The following PMP22 variants were observed in gnomAD, a reference collection of about 807,000 sequenced individuals.
PMP22 encodes the protein Charcot-Marie-Tooth neuropathy 1A (greatly reduced nerve conduction velocity, hereditary motor sensory neuropathy Ia).
A neutral mutation model predicts 18.9 loss-of-function variants in PMP22; 2 were observed. The observed-to-expected ratio is 0.11, with a 90% CI of 0.04 to 0.33. The LOEUF (loss-of-function observed/expected upper bound fraction) is 0.33. Among genes scored for constraint, PMP22 ranks in the 10% least tolerant of loss-of-function variants. PMP22 has a pLI of 1.00. For missense variants in PMP22, 169 were observed against 202.2 expected (o/e 0.84, Z 1.00); for synonymous variants, 95 against 89.2 (o/e 1.07, Z -0.37).
intron 3 of PMP22, among the ~76,000 whole-genome samples, chr17:15,250,960 G>A (rs1908290523): frequency 6.6e-6 from 1 of 152,104 alleles, no homozygotes; most frequent in South Asian, 2.1e-4. Context: ...CAGCCAGAAT[G>A]AGCTTACAAA....
intron 1 of PMP22, 76 bp from the exon 2 acceptor site, chr17:15,260,837 G>A: frequency 1.9e-6 from 2 of 1,025,760 alleles, no homozygotes; most frequent in South Asian, 1.4e-5. Flanking sequence ...GGAGGGTCCC[G>A]CGCACTAGCG....
intron 3 of PMP22, among the ~76,000 whole-genome samples, chr17:15,240,490 C>T (rs756686710): frequency 2.7e-5 from 4 of 148,292 alleles, no homozygotes; most frequent in Non-Finnish European, 5.9e-5. Context: ...AACCACCAGA[C>T]GGGATGAAGG....
At chr17:15,248,197 T>C (rs1170500483) in intron 3 of PMP22, among the ~76,000 whole-genome samples, 1 of 152,198 alleles carries the variant, frequency 6.6e-6, no homozygotes, top group Non-Finnish European at 1.5e-5. Context: ...AGGCTAACTT[T>C]GCCTATGATT....
chr17:15,263,583 G>GCA (rs3028206), intron 1 of PMP22, among the ~76,000 whole-genome samples: 4,733 of 149,820 alleles, frequency 0.032, 122 homozygotes, highest in African/African-American at 0.066. Flanking sequence ...GCACGCGCGC[G>GCA]CACACACACA....
chr17:15,259,311 C>A, intron 2 of PMP22, 118 bp from the exon 3 acceptor site: 1 of 788,430 alleles, frequency 1.3e-6, no homozygotes, highest in South Asian at 1.4e-5. Flanking sequence ...CCACACCGCC[C>A]ACCCCTGCAT....
chr17:15,239,282 C>A, intron 4 of PMP22, 189 bp downstream of exon 4: 1 of 675,746 alleles, frequency 1.5e-6, no homozygotes. Flanking sequence ...AGTTCTAAGT[C>A]CCAAGTTCTA....
At chr17:15,259,267 C>A in intron 2 of PMP22, 74 bp from the exon 3 acceptor site, 1 of 1,244,008 alleles carries the variant, frequency 8.0e-7, no homozygotes, top group Non-Finnish European at 1.2e-6. Flanking sequence ...GGAGAAAGGC[C>A]CAGGGATGGC....
At position 15,258,162 on chromosome 17, in the gene PMP22, T is replaced by G. The variant is rs76493911; in HGVS notation, c.178+932A>C. Among the ~76,000 whole-genome samples, 1,273 of 152,298 alleles carry G rather than the reference T, an allele frequency of 8.4e-3. 92 individuals carry two copies. In the East Asian group the frequency reaches 0.16, roughly 19 times the overall value. On this transcript the variant is annotated intron_variant, in intron 3 of 4. Transcript: ENST00000312280. The surrounding 1 kb of genome is among the most constrained non-coding windows in gnomAD (Gnocchi z 4.1). The stretch of plus-strand genomic sequence containing the variant: ...TTAAAGCTGTATTTCCGTGGCCTTT[T>G]AAACCCAGGATGTTAGGAAAGCTCT...
chr17:15,237,027 T>C (rs1906874381), intron 4 of PMP22, among the ~76,000 whole-genome samples: 1 of 152,200 alleles, frequency 6.6e-6, no homozygotes, highest in Admixed American at 6.5e-5. Flanking sequence ...GAAAATTCAG[T>C]TTCATGAGAC....
Position 15,258,310 on chromosome 17 carries a change from T to C in PMP22, c.178+784A>G, listed in dbSNP as rs969727070. Reference sequence around the variant, plus strand: ...CCTACCCAGCCACCAAAACAGCTCATCCTGTTTACCTCCACCTGTCTGCAT... The same window carrying C: ...CCTACCCAGCCACCAAAACAGCTCACCCTGTTTACCTCCACCTGTCTGCAT... On this transcript the variant is annotated intron_variant, in intron 3 of 4. Transcript: ENST00000312280. The surrounding 1 kb of genome is among the most constrained non-coding windows in gnomAD (Gnocchi z 4.1). Among the ~76,000 whole-genome samples, 2 of 152,122 alleles carry C rather than the reference T, an allele frequency of 1.3e-5. No homozygotes were observed. Among genetic ancestry groups the C allele is most frequent in the African/African-American group, 4.8e-5 (2 of 41,424 alleles).
chr17:15,256,191 C>T (rs1413062012), intron 3 of PMP22, among the ~76,000 whole-genome samples: 1 of 152,202 alleles, frequency 6.6e-6, no homozygotes, highest in Admixed American at 6.5e-5. Flanking sequence ...GGGGCAAGAT[C>T]TGGTGTGTCT....
intron 2 of PMP22, among the ~76,000 whole-genome samples, chr17:15,259,741 A>G (rs1367408615): frequency 6.6e-6 from 1 of 151,602 alleles, no homozygotes; most frequent in Non-Finnish European, 1.5e-5. Flanking sequence ...GGAGTTTGAG[A>G]CAAGCCTGGC....
chr17:15,239,290 C>A, intron 4 of PMP22, 181 bp downstream of exon 4: 1 of 702,762 alleles, frequency 1.4e-6, no homozygotes, highest in South Asian at 1.6e-5. Context: ...GTCCCAAGTT[C>A]TAAGACACAT....
At chr17:15,264,739 T>A (rs373017819) in intron 1 of PMP22, among the ~76,000 whole-genome samples, 55 of 152,118 alleles carry the variant, frequency 3.6e-4, no homozygotes, top group African/African-American at 1.2e-3. Context: ...GCAGAGGAAG[T>A]GCTACTCAGT....
chr17:15,251,674 T>G (rs1908365248), intron 3 of PMP22: 1 of 150,246 alleles, frequency 6.7e-6, no homozygotes. Context: ...TGCACACTCA[T>G]GTGGCCCCCA....
intron 1 of PMP22, 136 bp from the exon 2 acceptor site, chr17:15,260,897 A>C: frequency 2.0e-6 from 1 of 488,252 alleles, no homozygotes; most frequent in East Asian, 3.9e-5. Flanking sequence ...CGCGCGGGTC[A>C]GGAGCCTTCG....
intron 2 of PMP22, 78 bp from the exon 3 acceptor site, chr17:15,259,271 G>T: frequency 8.1e-7 from 1 of 1,228,530 alleles, no homozygotes; most frequent in South Asian, 1.2e-5. Flanking sequence ...AAAGGCCCAG[G>T]GATGGCGAAA....
At chr17:15,264,076 T>TA (rs11437173) in intron 1 of PMP22, among the ~76,000 whole-genome samples, 3,081 of 152,302 alleles carry the variant, frequency 0.02, 127 homozygotes, top group African/African-American at 0.07. Flanking sequence ...ACAAAGCAGT[T>TA]AACATCGTGT....
At chr17:15,246,785 G>T (rs905305097) in intron 3 of PMP22, among the ~76,000 whole-genome samples, 10 of 152,272 alleles carry the variant, frequency 6.6e-5, no homozygotes, top group African/African-American at 2.4e-4. Context: ...AAAAACTAAA[G>T]CTCTGGCCGG....
Sources: gnomAD v4.1 joint callset for allele counts (sites outside exome capture counted in the v4.1 genomes callset) on GRCh38, gnomAD v4.1.1 for gene constraint, Gnocchi (gnomAD v3.1) non-coding constraint, MANE v1.5 for transcripts, NCBI Gene and HGNC (gene_info 2026-07-23, HGNC 2026-07-21) for gene names.